PSMA6: variants seen among roughly 807,000 people sequenced by gnomAD.
PSMA6 encodes proteasome subunit alpha type-6.
For synonymous variants in PSMA6, 88 were observed against 97.7 expected, an observed-to-expected ratio of 0.90 and a Z score of 0.59; for missense variants, 170 against 294.8, an observed-to-expected ratio of 0.58 and a Z score of 3.10.
chr14:35,295,292 G>A (rs532707770), intron 1 of PSMA6, among the ~76,000 whole-genome samples: 94 of 151,014 alleles, frequency 6.2e-4, no homozygotes, highest in Non-Finnish European at 1.2e-3. Flanking sequence ...AGCCAAGACC[G>A]TGCCATTGCA....
Position 35,292,411 on chromosome 14 carries a change from G to GCT in PSMA6, c.-65_-64dup. 1 of 1,570,684 alleles carries GCT rather than the reference G, an allele frequency of 6.4e-7. No homozygotes were observed. The highest frequency in any genetic ancestry group is 8.6e-7 in the Non-Finnish European group (1 of 1,159,592). ...GCAGTCGCTGCAACTTCCGGGAGGT[G>GCT]CTTGTGTGCCTGGTGCGGGAGCTAC... On this transcript the variant is annotated 5_prime_UTR_variant, in exon 1 of 7. Coordinates refer to ENST00000261479, the MANE Select transcript of PSMA6 (RefSeq NM_002791.3).
At chr14:35,304,804 G>T (rs2051792627) in intron 1 of PSMA6, among the ~76,000 whole-genome samples, 1 of 152,118 alleles carries the variant, frequency 6.6e-6, no homozygotes, top group Non-Finnish European at 1.5e-5. Context: ...TTAAATTGGG[G>T]GTTATGGCTC....
intron 1 of PSMA6, among the ~76,000 whole-genome samples, chr14:35,281,283 A>C (rs1181449381): frequency 1.3e-5 from 2 of 152,210 alleles, no homozygotes; most frequent in Middle Eastern, 3.2e-3. Flanking sequence ...TAGTATTGCT[A>C]GAAAAGTCAT....
chr14:35,309,507 A>G (rs2051897821), intron 3 of PSMA6, among the ~76,000 whole-genome samples: 1 of 151,578 alleles, frequency 6.6e-6, no homozygotes, highest in Non-Finnish European at 1.5e-5. Flanking sequence ...GAAATTAGCT[A>G]GGGGCTGGTC....
chr14:35,295,041 A>G (rs2051556575), intron 1 of PSMA6, among the ~76,000 whole-genome samples: 2 of 152,214 alleles, frequency 1.3e-5, no homozygotes, highest in Non-Finnish European at 2.9e-5. Context: ...GTAGACATTT[A>G]AAGTTATAAT....
intron 6 of PSMA6, chr14:35,316,876 A>G (rs1057183635): frequency 5.8e-6 from 1 of 172,624 alleles, no homozygotes; most frequent in Middle Eastern, 3.0e-3. Context: ...AAAAAAAATA[A>G]AAAATAAATG....
chr14:35,310,681 G>A, intron 3 of PSMA6, 59 bp from the exon 4 acceptor site: 1 of 1,579,296 alleles, frequency 6.3e-7, no homozygotes, highest in Non-Finnish European at 8.6e-7. Flanking sequence ...TAAATTGCCT[G>A]GCTTTCAGGT....
rs554001050 is a variant in PSMA6, at chr14:35,285,393, A to G, written c.19+6675A>G. On this transcript the variant is annotated intron_variant, in intron 1 of 6. Transcript: ENST00000540871. The stretch of plus-strand genomic sequence containing the variant: ...CGTAGCACACTCTTGCTTTTCTATC[A>G]ATAACTGGACTCTCAAGAACTGGTT... 4.0e-5 allele frequency among the ~76,000 whole-genome samples: 6 copies of G among 151,782 alleles called. No individual in the cohort carries two copies. In the East Asian group the frequency reaches 1.2e-3, roughly 29 times the overall value.
chr14:35,286,674 C>T (rs1274135233), intron 1 of PSMA6, among the ~76,000 whole-genome samples: 3 of 152,094 alleles, frequency 2.0e-5, no homozygotes, highest in Non-Finnish European at 4.4e-5. Context: ...TGAAGTGATA[C>T]AAGTTTATTC....
chr14:35,312,987 A>G lies in PSMA6; in HGVS notation c.516A>G (p.Gln172=). The G allele has an allele frequency of 6.3e-7, 1 of 1,583,918 alleles. No homozygotes were observed. Among genetic ancestry groups the G allele is most frequent in the South Asian group, 1.2e-5 (1 of 85,626 alleles). The stretch of plus-strand genomic sequence containing the variant: ...AAGCCACTGCAGCGGGAGTTAAACA[A>G]ACTGAGTCAACCAGCTTCCTTGAAA... ...GFKATAAGVK[Q]TESTSFLEKK... is the part of the protein sequence containing the mutation. The change falls in exon 5 of 7, where the codon CAA becomes CAG. Residue 172 remains glutamine (Q), a synonymous_variant. Transcript: ENST00000261479.
intron 1 of PSMA6, among the ~76,000 whole-genome samples, chr14:35,283,699 G>T (rs1209826546): frequency 3.3e-5 from 5 of 151,826 alleles, no homozygotes; most frequent in Admixed American, 3.3e-4. Flanking sequence ...GGGACCGCTG[G>T]CACACACCCT....
chr14:35,292,217 C>A, upstream of PSMA6: 1 of 1,006,144 alleles, frequency 9.9e-7, no homozygotes, highest in Non-Finnish European at 1.3e-6. Flanking sequence ...AGTTTCACGT[C>A]TATCCACTCA....
At chr14:35,292,338 G>T (rs761810154), upstream of PSMA6, 6 of 1,505,096 alleles carry the variant, frequency 4.0e-6, no homozygotes, top group Non-Finnish European at 5.3e-6. Context: ...CTCCAGAGCC[G>T]TGAGTTCGGC....
chr14:35,311,005 AAT>A (rs2051933937), intron 4 of PSMA6, 110 bp downstream of exon 4: 5 of 1,077,446 alleles, frequency 4.6e-6, no homozygotes, highest in Non-Finnish European at 5.3e-6. Flanking sequence ...TGGTTTGGAA[AAT>A]ACATAGAGTG....
chr14:35,283,776 C>T (rs1350484272), intron 1 of PSMA6, among the ~76,000 whole-genome samples: 1 of 152,074 alleles, frequency 6.6e-6, no homozygotes, highest in Non-Finnish European at 1.5e-5. Context: ...CCATGTTGCC[C>T]AAGCTGGTCT....
At position 35,317,481 on chromosome 14, in the gene PSMA6, C is replaced by G. The variant is rs1198155450; in HGVS notation, c.*175C>G. 5 of 538,454 alleles carry G rather than the reference C, an allele frequency of 9.3e-6. No homozygotes were observed. Among genetic ancestry groups the G allele is most frequent in the Non-Finnish European group, 1.6e-5 (5 of 304,592 alleles). The allele number at this position is 538,454 out of a possible 1,614,324, so 33.4% of individuals were successfully genotyped here. ...CAAGGCTTTTGGAAAATAATTGCATCCTGTTGTTTTCACCTCCTATTTTAA... is the reference window on the plus strand; with the variant it reads ...CAAGGCTTTTGGAAAATAATTGCATGCTGTTGTTTTCACCTCCTATTTTAA... On this transcript the variant is annotated 3_prime_UTR_variant, in exon 7 of 7. Transcript: ENST00000261479.
rs567892678 is a variant in PSMA6 at position 35,317,327 on chromosome 14, G to C, written c.*21G>C. The C allele has an allele frequency of 4.4e-6, 7 of 1,584,182 alleles. No homozygotes were observed. The South Asian group carries it at 5.5e-5, about 13-fold the overall frequency. On this transcript the variant is annotated 3_prime_UTR_variant, in exon 7 of 7. Transcript: ENST00000261479. ...ACTAAACATTGTCGTTAGTTTACCA[G>C]ATCCGTGATGCCACTTACCTGTGTG...
intron 1 of PSMA6, among the ~76,000 whole-genome samples, chr14:35,280,237 C>A (rs61988273): frequency 2.0e-5 from 3 of 152,124 alleles, no homozygotes; most frequent in South Asian, 2.1e-4. Flanking sequence ...GTCAGGAGTT[C>A]GAGACCAGGC....
chr14:35,301,275 C>T (rs10134368), intron 1 of PSMA6, among the ~76,000 whole-genome samples: 4,906 of 152,062 alleles, frequency 0.032, 233 homozygotes, highest in African/African-American at 0.11. Context: ...GAGGCCGAGG[C>T]GGGTGGATCA....
Sources: allele counts gnomAD v4.1 joint callset (sites outside exome capture counted in the v4.1 genomes callset), GRCh38; gene constraint gnomAD v4.1.1; transcripts MANE v1.5; gene names NCBI Gene and HGNC (gene_info 2026-07-23, HGNC 2026-07-21).